DRD2: variants seen among roughly 807,000 people sequenced by gnomAD.
DRD2 encodes the protein D(2) dopamine receptor.
Under a neutral mutation model 38.0 loss-of-function variants are expected in DRD2, and 8 were observed. The ratio of observed to expected loss-of-function variants is 0.21; its 90% CI spans 0.12 to 0.38. DRD2 has a LOEUF of 0.38. Among genes scored for constraint, DRD2 ranks in the 10% least tolerant of loss-of-function variants. DRD2 has a pLI of 1.00. For synonymous variants in DRD2, 230 were observed against 238.6 expected, an observed-to-expected ratio of 0.96 and a Z score of 0.33; for missense variants, 403 against 607.7, an observed-to-expected ratio of 0.66 and a Z score of 3.54.
At chr11:113,414,298 A>C in intron 6 of DRD2, 77 bp downstream of exon 6, 1 of 1,385,508 alleles carries the variant, frequency 7.2e-7, no homozygotes, top group Non-Finnish European at 1.0e-6. Context: ...CCAGCTTCTG[A>C]GGTCTCAGAA....
At chr11:113,466,800 A>G (rs576671181) in intron 1 of DRD2, among the ~76,000 whole-genome samples, 2 of 152,368 alleles carry the variant, frequency 1.3e-5, no homozygotes, top group South Asian at 2.1e-4. Flanking sequence ...ATTTTAGGTT[A>G]TAATAGATTT....
At chr11:113,463,672 T>G (rs188405179) in intron 1 of DRD2, among the ~76,000 whole-genome samples, 135 of 152,258 alleles carry the variant, frequency 8.9e-4, no homozygotes, top group African/African-American at 3.1e-3. Flanking sequence ...TCAATGACAG[T>G]CCCACTTTGT....
chr11:113,457,530 C>A (rs1951278700), intron 1 of DRD2, among the ~76,000 whole-genome samples: 1 of 152,056 alleles, frequency 6.6e-6, no homozygotes, highest in African/African-American at 2.4e-5. Context: ...TCTCCTGCCA[C>A]CCCTTGCCCC....
intron 1 of DRD2, chr11:113,449,985 A>C (rs1345610967): frequency 6.5e-6 from 1 of 153,684 alleles, no homozygotes; most frequent in African/African-American, 2.4e-5. Flanking sequence ...TGTGCAGTTC[A>C]TATCTCTTCC....
At chr11:113,422,148 T>G (rs1950891294) in intron 2 of DRD2, among the ~76,000 whole-genome samples, 1 of 152,102 alleles carries the variant, frequency 6.6e-6, no homozygotes, top group Non-Finnish European at 1.5e-5. Context: ...CCTACTTGCC[T>G]GGGGCGAACA....
At chr11:113,415,043 A>C (rs1950812082) in intron 5 of DRD2, among the ~76,000 whole-genome samples, 1 of 152,180 alleles carries the variant, frequency 6.6e-6, no homozygotes, top group South Asian at 2.1e-4. Flanking sequence ...AGGGGAGGAC[A>C]GAGAGTACGG....
Position 113,416,978 on chromosome 11 carries a change from G to C in DRD2, c.417C>G (p.Pro139=), listed in dbSNP as rs760750493. The change falls in exon 4 of 8, where the codon CCC becomes CCG. Residue 139 remains proline (P), a synonymous_variant. Coordinates refer to ENST00000362072, the MANE Select transcript of DRD2 (RefSeq NM_000795.4). ...AGCTGTAGCGCGTATTGTACAGCAT[G>C]GGCATGGCCACAGCTGTGTACCTGC... The part of the protein sequence containing the change: ...SIDRYTAVAM[P]MLYNTRYSSK... The C allele has an allele frequency of 3.7e-5, 60 of 1,613,966 alleles. No homozygotes were observed. Among genetic ancestry groups the C allele is most frequent in the Non-Finnish European group, 5.1e-5 (60 of 1,180,020 alleles).
chr11:113,415,705 G>A, intron 4 of DRD2, 94 bp from the exon 5 acceptor site: 1 of 1,409,800 alleles, frequency 7.1e-7, no homozygotes. Context: ...GGAACAAGGA[G>A]CGATTTTACA....
At chr11:113,418,183 A>C in intron 2 of DRD2, 47 bp from the exon 3 acceptor site, 10 of 1,512,796 alleles carry the variant, frequency 6.6e-6, no homozygotes, top group Non-Finnish European at 9.2e-6. Flanking sequence ...GTGGGAGATT[A>C]GCTTAGGTCC....
chr11:113,458,783 G>A (rs886918977), intron 1 of DRD2, among the ~76,000 whole-genome samples: 1 of 152,098 alleles, frequency 6.6e-6, no homozygotes, highest in Non-Finnish European at 1.5e-5. Context: ...TAAAATTTTG[G>A]AATATATTCA....
At chr11:113,422,873 C>T (rs1303605758) in intron 2 of DRD2, among the ~76,000 whole-genome samples, 1 of 152,178 alleles carries the variant, frequency 6.6e-6, no homozygotes, top group Non-Finnish European at 1.5e-5. Flanking sequence ...ACAAAGCTTT[C>T]TCATTTTCTT....
intron 6 of DRD2, chr11:113,413,883 G>A (rs2138159189): frequency 8.2e-6 from 2 of 242,978 alleles, no homozygotes; most frequent in Non-Finnish European, 1.6e-5. Flanking sequence ...CCCAGAACCT[G>A]CCCATCCATA....
chr11:113,417,033 A>G (rs557577665), intron 3 of DRD2, 34 bp from the exon 4 acceptor site: 1 of 1,610,304 alleles, frequency 6.2e-7, no homozygotes, highest in East Asian at 2.2e-5. Context: ...TCTGGGGTGC[A>G]GGCCCAGGGA....
intron 1 of DRD2, among the ~76,000 whole-genome samples, chr11:113,426,332 A>T (rs1173267584): frequency 6.6e-6 from 1 of 152,140 alleles, no homozygotes; most frequent in Non-Finnish European, 1.5e-5. Flanking sequence ...AGGCATCAGG[A>T]GTTGATGAAC....
rs142770526 is a variant in DRD2 at position 113,468,668 on chromosome 11, C to A, written c.-32+6408G>T. Reference sequence around the variant, plus strand: ...GTTCAAGCAATTTTCCTGCCTCAGCCTCCTGAGTAGCTGAGACCACAGGTG... The same window carrying A: ...GTTCAAGCAATTTTCCTGCCTCAGCATCCTGAGTAGCTGAGACCACAGGTG... On this transcript the variant is annotated intron_variant, in intron 1 of 7. Transcript: ENST00000362072. 2.8e-3 allele frequency among the ~76,000 whole-genome samples: 434 copies of A among 152,284 alleles called. 2 individuals carry two copies. The highest frequency in any genetic ancestry group is 9.9e-3 in the African/African-American group (411 of 41,566).
chr11:113,414,899 C>T (rs1194483749), intron 5 of DRD2, among the ~76,000 whole-genome samples: 1 of 152,198 alleles, frequency 6.6e-6, no homozygotes, highest in African/African-American at 2.4e-5. Context: ...CTTGTTCCTT[C>T]TGTGCCCACA....
At chr11:113,474,289 G>C (rs1337139040) in intron 1 of DRD2, 2 of 152,258 alleles carry the variant, frequency 1.3e-5, no homozygotes, top group African/African-American at 2.4e-5. Flanking sequence ...ATAGGGAAGC[G>C]CTCTGTCTGG....
At chr11:113,443,894 T>C (rs375453682) in intron 1 of DRD2, among the ~76,000 whole-genome samples, 21 of 152,312 alleles carry the variant, frequency 1.4e-4, no homozygotes, top group South Asian at 8.3e-4. Context: ...GTCTACACTA[T>C]ATCATTTTGT....
At chr11:113,431,058 A>G (rs1483473406) in intron 1 of DRD2, among the ~76,000 whole-genome samples, 4 of 152,174 alleles carry the variant, frequency 2.6e-5, no homozygotes, top group African/African-American at 9.7e-5. Flanking sequence ...CACCCTCCAA[A>G]TGTCATCTCC....
Sources: gnomAD v4.1 joint callset for allele counts (sites outside exome capture counted in the v4.1 genomes callset) on GRCh38, gnomAD v4.1.1 for gene constraint, MANE v1.5 for transcripts, NCBI Gene and HGNC (gene_info 2026-07-23, HGNC 2026-07-21) for gene names.